Variants in WDR70 observed in about 807,000 individuals in gnomAD.
WDR70 encodes the protein WD repeat domain 70.
WDR70 carries 53 observed loss-of-function variants against 88.6 expected under a neutral mutation model. The observed-to-expected ratio is 0.60, with a 90% CI of 0.48 to 0.75. WDR70 has a LOEUF of 0.75. Among genes scored for constraint, WDR70 ranks in the 30% least tolerant of loss-of-function variants. The pLI is 0.00. For synonymous variants in WDR70, 280 were observed against 270.0 expected, an observed-to-expected ratio of 1.04 and a Z score of -0.36; for missense variants, 610 against 823.2, an observed-to-expected ratio of 0.74 and a Z score of 3.17.
At chr5:37,450,597 A>G (rs963046924) in intron 7 of WDR70, among the ~76,000 whole-genome samples, 1 of 152,202 alleles carries the variant, frequency 6.6e-6, no homozygotes, top group African/African-American at 2.4e-5. Flanking sequence ...CAGCCTCAGT[A>G]TACCTGTAAA....
chr5:37,437,890 A>C, intron 5 of WDR70, 32 bp from the exon 6 acceptor site: 8 of 1,581,762 alleles, frequency 5.1e-6, no homozygotes, highest in Non-Finnish European at 6.9e-6. Flanking sequence ...ATGTTATTTT[A>C]CCATTAATGT....
intron 13 of WDR70, among the ~76,000 whole-genome samples, chr5:37,705,737 C>A (rs1289973015): frequency 2.6e-5 from 4 of 152,006 alleles, no homozygotes; most frequent in Admixed American, 6.5e-5. Flanking sequence ...GTTGGAAATA[C>A]CACACTCCAA....
chr5:37,562,712 C>T (rs1346061689), intron 9 of WDR70, among the ~76,000 whole-genome samples: 1 of 152,098 alleles, frequency 6.6e-6, no homozygotes, highest in Non-Finnish European at 1.5e-5. Flanking sequence ...ACCCTTAATC[C>T]ATTCAACCCT....
intron 17 of WDR70, among the ~76,000 whole-genome samples, chr5:37,740,504 A>G (rs895988706): frequency 3.3e-5 from 5 of 152,192 alleles, no homozygotes; most frequent in Non-Finnish European, 7.3e-5. Context: ...GTCTTTATTC[A>G]GCAAACAACA....
rs562817990 is a variant in WDR70 at position 37,751,480 on chromosome 5, A to C, written c.1878-1006A>C. On this transcript the variant is annotated intron_variant, in intron 17 of 17. Coordinates refer to ENST00000265107, the MANE Select transcript of WDR70 (RefSeq NM_018034.4). ...ATGACTCATGTCAGACAACATCAGC[A>C]TGAGTTGTGGATGGTTTATGCTTTT... is the stretch of plus-strand genomic sequence containing the variant. Among the ~76,000 whole-genome samples the C allele has an allele frequency of 2.0e-5, 3 of 152,350 alleles. No homozygotes were observed. The East Asian group carries it at 5.8e-4, about 29-fold the overall frequency.
In WDR70 at chr5:37,483,924, G is replaced by A. The variant is rs541464757; in HGVS notation, c.840+3937G>A. On this transcript the variant is annotated intron_variant, in intron 8 of 17. Transcript: ENST00000265107. ...CTCCTCACCTCACAGACGGGGTCGCGGCCGGGCAGAGGCGCTCCTCACATC... is the reference window on the plus strand; with the variant it reads ...CTCCTCACCTCACAGACGGGGTCGCAGCCGGGCAGAGGCGCTCCTCACATC... Among the ~76,000 whole-genome samples the A allele has an allele frequency of 8.7e-3, 1,319 of 151,772 alleles. 21 individuals carry two copies. The highest frequency in any genetic ancestry group is 0.03 in the African/African-American group (1,245 of 41,370).
At chr5:37,570,189 ATT>A (rs1219952259) in intron 9 of WDR70, among the ~76,000 whole-genome samples, 1 of 152,104 alleles carries the variant, frequency 6.6e-6, no homozygotes, top group African/African-American at 2.4e-5. Flanking sequence ...GAAAGGCAAA[ATT>A]GACAGGACAT....
At chr5:37,636,215 C>G (rs1275832119) in intron 10 of WDR70, among the ~76,000 whole-genome samples, 1 of 120,220 alleles carries the variant, frequency 8.3e-6, no homozygotes, top group African/African-American at 2.5e-5. Context: ...CTCCCTATGA[C>G]CGAATCAGGG....
intron 9 of WDR70, among the ~76,000 whole-genome samples, chr5:37,583,687 T>C (rs142459497): frequency 6.6e-6 from 1 of 151,784 alleles, no homozygotes; most frequent in Non-Finnish European, 1.5e-5. Context: ...AGGGATCCCT[T>C]ATACTTGTGT....
chr5:37,535,911 T>C lies in WDR70; in HGVS notation c.917+19321T>C, dbSNP rs537987377. ...CCCACTGAGTGGTTTGTACACTTTA[T>C]GAATGGTTGTCACAAACGTGATGAT... On this transcript the variant is annotated intron_variant, in intron 9 of 17. Coordinates refer to ENST00000265107, the MANE Select transcript of WDR70 (RefSeq NM_018034.4). Among the ~76,000 whole-genome samples the C allele has an allele frequency of 2.0e-5, 3 of 152,358 alleles. No individual in the cohort carries two copies. In the South Asian group the frequency reaches 6.2e-4, roughly 32 times the overall value.
chr5:37,661,761 A>T, intron 10 of WDR70, among the ~76,000 whole-genome samples: 1 of 152,220 alleles, frequency 6.6e-6, no homozygotes, highest in East Asian at 1.9e-4. Context: ...TAGCTGATCC[A>T]TCAAGTGCAG....
chr5:37,707,646 G>A (rs1163927338), intron 13 of WDR70, among the ~76,000 whole-genome samples: 2 of 151,634 alleles, frequency 1.3e-5, no homozygotes, highest in Admixed American at 6.6e-5. Flanking sequence ...CTGGCATGGC[G>A]GCTTATGCCT....
intron 10 of WDR70, among the ~76,000 whole-genome samples, chr5:37,612,257 A>G (rs1744211623): frequency 6.6e-6 from 1 of 152,186 alleles, no homozygotes; most frequent in African/African-American, 2.4e-5. Context: ...TGTCTCTTCA[A>G]TAGACCTAAT....
chr5:37,387,582 T>A (rs1748664339), intron 3 of WDR70, among the ~76,000 whole-genome samples: 1 of 152,100 alleles, frequency 6.6e-6, no homozygotes, highest in African/African-American at 2.4e-5. Context: ...AGCATGTAAA[T>A]AGAAAATACC....
chr5:37,510,078 C>T (rs987633754), intron 8 of WDR70, among the ~76,000 whole-genome samples: 3 of 140,178 alleles, frequency 2.1e-5, no homozygotes, highest in Non-Finnish European at 1.6e-5. Flanking sequence ...AACAAACACT[C>T]CCCCCCCCAA....
chr5:37,382,332 T>C (rs1748453029), intron 3 of WDR70, among the ~76,000 whole-genome samples: 1 of 151,392 alleles, frequency 6.6e-6, no homozygotes, highest in Non-Finnish European at 1.5e-5. Context: ...ACTCCTGACC[T>C]TGTGATCTGC....
At chr5:37,711,485 T>C (rs1209882738) in intron 13 of WDR70, among the ~76,000 whole-genome samples, 2 of 152,224 alleles carry the variant, frequency 1.3e-5, no homozygotes, top group Non-Finnish European at 2.9e-5. Context: ...GTTTAGAGCC[T>C]ACATCCTTTG....
intron 9 of WDR70, among the ~76,000 whole-genome samples, chr5:37,562,734 G>T (rs908972722): frequency 6.6e-6 from 1 of 152,048 alleles, no homozygotes; most frequent in Non-Finnish European, 1.5e-5. Flanking sequence ...AGTGGACACC[G>T]CACATGTTTC....
At chr5:37,481,122 G>GT (rs1477748515) in intron 8 of WDR70, among the ~76,000 whole-genome samples, 1 of 152,216 alleles carries the variant, frequency 6.6e-6, no homozygotes, top group Non-Finnish European at 1.5e-5. Context: ...GCTTTGCAGG[G>GT]TACAGCCCCC....
Sources: allele counts gnomAD v4.1 joint callset (sites outside exome capture counted in the v4.1 genomes callset), GRCh38; gene constraint gnomAD v4.1.1; transcripts MANE v1.5; gene names NCBI Gene and HGNC (gene_info 2026-07-23, HGNC 2026-07-21).